The following DLGAP2 variants were observed in gnomAD, a reference collection of about 807,000 sequenced individuals.
DLGAP2 encodes the protein disks large-associated protein 2.
DLGAP2 carries 26 observed loss-of-function variants against 100.3 expected under a neutral mutation model. The ratio of observed to expected loss-of-function variants is 0.26; its 90% confidence interval spans 0.19 to 0.36. The LOEUF (loss-of-function observed/expected upper bound fraction) is 0.36. DLGAP2 is among the 10% of genes least tolerant of loss of function. The pLI, the probability that DLGAP2 is intolerant of heterozygous loss-of-function variation, is 1.00. For synonymous variants in DLGAP2, 886 were observed against 630.1 expected, an observed-to-expected ratio of 1.41 and a Z score of -6.08; for missense variants, 1,858 against 1,453.2, an observed-to-expected ratio of 1.28 and a Z score of -4.53.
At chr8:1,314,667 G>A (rs1289752181) in intron 3 of DLGAP2, among the ~76,000 whole-genome samples, 4 of 152,296 alleles carry the variant, frequency 2.6e-5, no homozygotes, top group Non-Finnish European at 4.4e-5. Context: ...GGGTCTGTCC[G>A]CCTGGGGCTG....
intron 1 of DLGAP2, among the ~76,000 whole-genome samples, chr8:742,381 T>G (rs1015796438): frequency 6.6e-6 from 1 of 152,254 alleles, no homozygotes; most frequent in Non-Finnish European, 1.5e-5. Flanking sequence ...AAATGTTTCA[T>G]ACTCTGTACA....
At chr8:1,449,744 A>G (rs148877464) in intron 3 of DLGAP2, among the ~76,000 whole-genome samples, 245 of 151,978 alleles carry the variant, frequency 1.6e-3, no homozygotes, top group African/African-American at 5.6e-3. Flanking sequence ...AGGATGCAGG[A>G]TGCGAATGGG....
At position 1,706,627 on chromosome 8, in the gene DLGAP2, C is replaced by T. The variant is rs1044748758; in HGVS notation, c.*5221C>T. 4.6e-5 allele frequency: 7 copies of T among 152,170 alleles called. No individual in the cohort carries two copies. Among genetic ancestry groups the T allele is most frequent in the Non-Finnish European group, 7.3e-5 (5 of 68,038 alleles). 9.4% of individuals were successfully genotyped at this position (152,170 alleles called of 1,614,324 possible). On this transcript the variant is annotated 3_prime_UTR_variant, in exon 15 of 15. Transcript: ENST00000637795. ...TCTAGATGCTTCCAAGAACAAGAAC[C>T]CAGCACCAACCAGAATTAGGCCACG...
rs1425342558 is a variant in DLGAP2 at position 1,702,937 on chromosome 8, A to C, written c.*1531A>C. The C allele has an allele frequency of 6.5e-6, 1 of 152,678 alleles. No individual in the cohort carries two copies. Among genetic ancestry groups the C allele is most frequent in the Non-Finnish European group, 1.5e-5 (1 of 68,044 alleles). 9.5% of individuals were successfully genotyped at this position (152,678 alleles called of 1,614,324 possible). A position where few individuals can be genotyped will look rare whatever the true frequency, so the allele number is the denominator to read the frequency against. ...TTAGCCACAGGCAGAATAGCTTTCGATGACCCCATAGCACTTTGTTTCTTC... is the reference window on the plus strand; with the variant it reads ...TTAGCCACAGGCAGAATAGCTTTCGCTGACCCCATAGCACTTTGTTTCTTC... On this transcript the variant is annotated 3_prime_UTR_variant, in exon 15 of 15. Coordinates refer to ENST00000637795, the MANE Select transcript of DLGAP2 (RefSeq NM_001346810.2).
chr8:1,200,839 G>T (rs547591197), intron 2 of DLGAP2, among the ~76,000 whole-genome samples: 1 of 152,210 alleles, frequency 6.6e-6, no homozygotes, highest in African/African-American at 2.4e-5. Context: ...TTTGTTTTCC[G>T]TTCCCACATA....
intron 4 of DLGAP2, among the ~76,000 whole-genome samples, chr8:1,522,012 G>A (rs1216020979): frequency 7.3e-5 from 10 of 137,098 alleles, no homozygotes; most frequent in Admixed American, 2.2e-4. Flanking sequence ...TGGAATACTC[G>A]GGGGCAGGTG....
At chr8:1,353,348 AT>A (rs1252610991) in intron 3 of DLGAP2, among the ~76,000 whole-genome samples, 1 of 152,234 alleles carries the variant, frequency 6.6e-6, no homozygotes, top group Admixed American at 6.5e-5. Context: ...AGTAATGCAC[AT>A]TCATTAGAAA....
chr8:1,676,459 C>T, intron 10 of DLGAP2, 74 bp from the exon 11 acceptor site: 1 of 1,467,118 alleles, frequency 6.8e-7, no homozygotes, highest in Non-Finnish European at 9.4e-7. Flanking sequence ...AGCAAATCCA[C>T]AACAACAACA....
At chr8:932,732 G>A (rs909041269) in intron 2 of DLGAP2, among the ~76,000 whole-genome samples, 5 of 152,150 alleles carry the variant, frequency 3.3e-5, no homozygotes, top group African/African-American at 4.8e-5. Context: ...CAGGGTTTGG[G>A]AAATCAGGGT....
chr8:1,346,041 G>T (rs944518589), intron 3 of DLGAP2, among the ~76,000 whole-genome samples: 1 of 152,202 alleles, frequency 6.6e-6, no homozygotes, highest in African/African-American at 2.4e-5. Context: ...CAATGCCCAC[G>T]CCATGGGCAC....
intron 2 of DLGAP2, among the ~76,000 whole-genome samples, chr8:1,084,069 C>T (rs1803895460): frequency 6.6e-6 from 1 of 152,034 alleles, no homozygotes; most frequent in African/African-American, 2.4e-5. Flanking sequence ...ATTGTTTGGT[C>T]ACATTTTATT....
chr8:1,163,423 G>T (rs1386238457), intron 2 of DLGAP2, among the ~76,000 whole-genome samples: 1 of 152,226 alleles, frequency 6.6e-6, no homozygotes, highest in East Asian at 1.9e-4. Flanking sequence ...GCGAGGGGAG[G>T]CCTGTGTCCG....
intron 6 of DLGAP2, among the ~76,000 whole-genome samples, chr8:1,574,776 G>C (rs1180446723): frequency 6.6e-6 from 1 of 152,158 alleles, no homozygotes; most frequent in Non-Finnish European, 1.5e-5. Context: ...AATTGTATAT[G>C]GTTCAACCTG....
At chr8:1,254,694 G>C (rs1799131496) in intron 2 of DLGAP2, among the ~76,000 whole-genome samples, 1 of 152,096 alleles carries the variant, frequency 6.6e-6, no homozygotes, top group Admixed American at 6.5e-5. Context: ...GGAACCTCCT[G>C]CCTTAGCTCT....
chr8:1,421,119 C>G (rs183215022), intron 3 of DLGAP2, among the ~76,000 whole-genome samples: 1 of 152,116 alleles, frequency 6.6e-6, no homozygotes. Flanking sequence ...ATAACTTATC[C>G]AAAGTATGTT....
At chr8:1,668,208 G>A (rs1798593424) in intron 8 of DLGAP2, 121 bp from the exon 9 acceptor site, 2 of 870,802 alleles carry the variant, frequency 2.3e-6, no homozygotes, top group Non-Finnish European at 1.7e-6. Context: ...TATTTTTTTA[G>A]GCTAGACGTC....
chr8:1,219,123 G>A (rs1194629544), intron 2 of DLGAP2, among the ~76,000 whole-genome samples: 1 of 152,202 alleles, frequency 6.6e-6, no homozygotes, highest in South Asian at 2.1e-4. Flanking sequence ...TGTTTCTCTT[G>A]CCTGACTGCT....
rs556370675 is a variant in DLGAP2 at position 876,875 on chromosome 8, G to A, written c.19-31037G>A. ...AGAACATCTATGGATCTGTTTTGCA[G>A]TTTGCTTATTCCTTTTCCTGATGTT... On this transcript the variant is annotated intron_variant, in intron 1 of 14. Coordinates refer to ENST00000637795, the MANE Select transcript of DLGAP2 (RefSeq NM_001346810.2). Among the ~76,000 whole-genome samples the A allele has an allele frequency of 2.4e-4, 37 of 151,648 alleles. No homozygotes were observed. The South Asian group carries it at 6.9e-3, about 28-fold the overall frequency.
At chr8:1,241,389 C>T (rs1017027652) in intron 2 of DLGAP2, among the ~76,000 whole-genome samples, 4 of 151,952 alleles carry the variant, frequency 2.6e-5, no homozygotes, top group Admixed American at 2.0e-4. Flanking sequence ...GTGTCTAGTT[C>T]TCTGTCACAT....
Sources: allele counts gnomAD v4.1 joint callset (sites outside exome capture counted in the v4.1 genomes callset), GRCh38; gene constraint gnomAD v4.1.1; transcripts MANE v1.5; gene names NCBI Gene and HGNC (gene_info 2026-07-23, HGNC 2026-07-21).